Variants in SMG6 observed in about 807,000 individuals in gnomAD.
SMG6 encodes SMG6 nonsense mediated mRNA decay factor.
A neutral mutation model predicts 142.2 loss-of-function variants in SMG6; 66 were observed. The ratio of observed to expected loss-of-function variants is 0.46; its 90% CI spans 0.38 to 0.57. SMG6 has a LOEUF of 0.57. Among genes scored for constraint, SMG6 ranks in the 20% least tolerant of loss-of-function variants. SMG6 has a pLI of 0.00. For synonymous variants in SMG6, 779 were observed against 702.4 expected (o/e 1.11, Z -1.72); for missense variants, 1,793 against 1,832.0 (o/e 0.98, Z 0.39).
intron 10 of SMG6, among the ~76,000 whole-genome samples, chr17:2,189,920 C>T (rs1372545391): frequency 6.6e-6 from 1 of 152,218 alleles, no homozygotes; most frequent in East Asian, 1.9e-4. Flanking sequence ...ATGTCACCCT[C>T]TGACTTTCCA....
chr17:2,283,611 A>G lies in SMG6; in HGVS notation c.2448+14T>C. 1 of 1,598,820 alleles carries G rather than the reference A, an allele frequency of 6.3e-7. No homozygotes were observed. Among genetic ancestry groups the G allele is most frequent in the Non-Finnish European group, 8.6e-7 (1 of 1,166,144 alleles). On this transcript the variant is annotated intron_variant, in intron 7 of 18. Transcript: ENST00000263073. Reference sequence around the variant, plus strand: ...TATTCGAGGAAGGAAGGGTTCTGCCACATCCCCACTCACCTTCCGCTTGGT... The same window carrying G: ...TATTCGAGGAAGGAAGGGTTCTGCCGCATCCCCACTCACCTTCCGCTTGGT...
chr17:2,277,160 TATTTA>T (rs558707721), intron 8 of SMG6, among the ~76,000 whole-genome samples: 5,812 of 77,562 alleles, frequency 0.075, 260 homozygotes, highest in Admixed American at 0.13. Context: ...TTTATTTATT[TATTTA>T]TTTTTTATTT....
At chr17:2,255,327 C>A (rs2074142620) in intron 8 of SMG6, among the ~76,000 whole-genome samples, 1 of 141,440 alleles carries the variant, frequency 7.1e-6, no homozygotes, top group Admixed American at 7.7e-5. Context: ...TGGCGTGAAC[C>A]CGGGAGGCGG....
At position 2,061,640 on chromosome 17, in the gene SMG6, C is replaced by T. The variant is rs757362746; in HGVS notation, c.4130-18G>A. 16 of 1,564,552 alleles carry T rather than the reference C, an allele frequency of 1.0e-5. No individual in the cohort carries two copies. Among genetic ancestry groups the T allele is most frequent in the Admixed American group, 1.9e-5 (1 of 53,310 alleles). ...TGGCTCCTCTGTGGGCATGAGAGAGCAGAAGGCTGTCACTGAGGACAGGAG... is the reference window on the plus strand; with the variant it reads ...TGGCTCCTCTGTGGGCATGAGAGAGTAGAAGGCTGTCACTGAGGACAGGAG... On this transcript the variant is annotated intron_variant, in intron 18 of 18. Coordinates refer to ENST00000263073, the MANE Select transcript of SMG6 (RefSeq NM_017575.5).
At chr17:2,230,458 G>A (rs1168054575) in intron 10 of SMG6, among the ~76,000 whole-genome samples, 1 of 151,832 alleles carries the variant, frequency 6.6e-6, no homozygotes, top group African/African-American at 2.4e-5. Flanking sequence ...CAAACCACAT[G>A]GCTATCTTGG....
intron 13 of SMG6, among the ~76,000 whole-genome samples, chr17:2,086,438 G>C (rs74651811): frequency 1.3e-5 from 2 of 152,176 alleles, no homozygotes; most frequent in Non-Finnish European, 2.9e-5. Context: ...CCCCTGACAG[G>C]TTCCTGCCCT....
At chr17:2,104,096 C>A (rs575356438) in intron 13 of SMG6, among the ~76,000 whole-genome samples, 1 of 152,008 alleles carries the variant, frequency 6.6e-6, no homozygotes, top group South Asian at 2.1e-4. Context: ...GGACTACAGG[C>A]GCCCACCACC....
At chr17:2,253,594 GA>G (rs1392941864) in intron 8 of SMG6, among the ~76,000 whole-genome samples, 1 of 152,164 alleles carries the variant, frequency 6.6e-6, no homozygotes, top group Admixed American at 6.6e-5. Flanking sequence ...GGGTAGTGAT[GA>G]AGAGTATGGT....
chr17:2,237,236 G>A (rs928599229), intron 9 of SMG6: 1 of 152,038 alleles, frequency 6.6e-6, no homozygotes, highest in Non-Finnish European at 1.5e-5. Flanking sequence ...CCCGGCTAAT[G>A]TTTGTATTTT....
intron 9 of SMG6, among the ~76,000 whole-genome samples, chr17:2,240,402 A>C (rs2073770707): frequency 1.3e-5 from 2 of 152,268 alleles, no homozygotes; most frequent in South Asian, 4.1e-4. Context: ...TCTTATTTTT[A>C]AAAAACGAGC....
Position 2,300,426 on chromosome 17 carries a change from A to G in SMG6, c.327T>C (p.Pro109=), listed in dbSNP as rs748375143. ...KELNNQEQNG[P]IDPENNRGQE... ...GTCCCCGATTATTTTCTGGGTCTAT[A>G]GGACCATTCTGCTCTTGGTTGTTCA... The change falls in exon 2 of 19, where the codon CCT becomes CCC. Residue 109 remains proline, a synonymous_variant. Transcript: ENST00000263073. 10 of 1,614,104 alleles carry G rather than the reference A, an allele frequency of 6.2e-6. No individual in the cohort carries two copies. The Admixed American group carries it at 6.7e-5, about 11-fold the overall frequency.
At chr17:2,119,916 C>A (rs1057197563) in intron 13 of SMG6, among the ~76,000 whole-genome samples, 1 of 152,218 alleles carries the variant, frequency 6.6e-6, no homozygotes, top group African/African-American at 2.4e-5. Context: ...CCCGCCTCGG[C>A]CTCCCAAAGT....
At chr17:2,240,946 T>C (rs1051028641) in intron 9 of SMG6, among the ~76,000 whole-genome samples, 5 of 152,250 alleles carry the variant, frequency 3.3e-5, no homozygotes, top group Non-Finnish European at 7.3e-5. Context: ...TGTGTGTGGC[T>C]TGGGCTCATT....
At chr17:2,120,005 A>G (rs2069636428) in intron 13 of SMG6, among the ~76,000 whole-genome samples, 1 of 151,804 alleles carries the variant, frequency 6.6e-6, no homozygotes, top group African/African-American at 2.4e-5. Context: ...AAACGGTTTC[A>G]CCGTGTTGGT....
chr17:2,237,530 G>C, intron 9 of SMG6: 1 of 985,470 alleles, frequency 1.0e-6, no homozygotes, highest in Non-Finnish European at 1.2e-6. Context: ...AGTTCTTCGT[G>C]TGTTGCCGTC....
chr17:2,219,253 C>T (rs1337597029), intron 10 of SMG6, among the ~76,000 whole-genome samples: 4 of 152,048 alleles, frequency 2.6e-5, no homozygotes, highest in Non-Finnish European at 4.4e-5. Context: ...CGCGTGGTGG[C>T]GGGCACCTGT....
At chr17:2,204,015 G>A (rs1269908108) in intron 10 of SMG6, among the ~76,000 whole-genome samples, 1 of 152,156 alleles carries the variant, frequency 6.6e-6, no homozygotes, top group East Asian at 1.9e-4. Flanking sequence ...CCAGGCTGGA[G>A]TTGAGTGGCA....
chr17:2,097,141 A>G (rs1346261244), intron 13 of SMG6, among the ~76,000 whole-genome samples: 2 of 149,126 alleles, frequency 1.3e-5, no homozygotes, highest in African/African-American at 2.6e-5. Context: ...GAAGAAATAT[A>G]TAATTTTTCT....
intron 13 of SMG6, among the ~76,000 whole-genome samples, chr17:2,159,908 TAA>T (rs1308669530): frequency 6.6e-6 from 1 of 151,984 alleles, no homozygotes; most frequent in Non-Finnish European, 1.5e-5. Flanking sequence ...AACAAAGACA[TAA>T]GAGTATATAC....
Sources: allele counts gnomAD v4.1 joint callset (sites outside exome capture counted in the v4.1 genomes callset), GRCh38; gene constraint gnomAD v4.1.1; transcripts MANE v1.5; gene names NCBI Gene and HGNC (gene_info 2026-07-23, HGNC 2026-07-21).